Variants in MAMDC2 observed in about 807,000 individuals in gnomAD.
MAMDC2 encodes MAM domain-containing protein 2.
A neutral mutation model predicts 89.8 loss-of-function variants in MAMDC2; 57 were observed. That is an observed-to-expected ratio of 0.63 (90% confidence interval 0.51 to 0.79). The LOEUF (loss-of-function observed/expected upper bound fraction) is 0.79, where lower values mean the gene tolerates loss of function less well. MAMDC2 is among the 30% of genes least tolerant of loss of function. MAMDC2 has a pLI of 0.00. For missense variants in MAMDC2, 800 were observed against 820.6 expected (o/e 0.97, Z 0.31); for synonymous variants, 313 against 293.4 (o/e 1.07, Z -0.68).
chr9:70,058,307 T>A (rs1437163503), intron 2 of MAMDC2, among the ~76,000 whole-genome samples: 1 of 152,188 alleles, frequency 6.6e-6, no homozygotes, highest in Non-Finnish European at 1.5e-5. Flanking sequence ...AAGTTATTGG[T>A]GGAGCCTGGA....
At chr9:70,131,659 A>G (rs1178205656) in intron 7 of MAMDC2, 47 bp downstream of exon 7, 3 of 1,369,730 alleles carry the variant, frequency 2.2e-6, no homozygotes, top group African/African-American at 1.4e-5. Context: ...TTCCTGTTTC[A>G]ATAGATGTTT....
chr9:70,110,267 T>C (rs1828471833), intron 4 of MAMDC2, among the ~76,000 whole-genome samples: 1 of 152,212 alleles, frequency 6.6e-6, no homozygotes, highest in South Asian at 2.1e-4. Context: ...GTCTCTTATC[T>C]GCCAGCTTCC....
At chr9:70,095,177 G>A (rs1052846078) in intron 2 of MAMDC2, among the ~76,000 whole-genome samples, 2 of 152,134 alleles carry the variant, frequency 1.3e-5, no homozygotes, top group East Asian at 3.8e-4. Context: ...TGCAGAAAAG[G>A]GTGTGGTTAA....
chr9:70,058,826 T>G (rs1244170149), intron 2 of MAMDC2, among the ~76,000 whole-genome samples: 2 of 152,172 alleles, frequency 1.3e-5, no homozygotes, highest in African/African-American at 4.8e-5. Flanking sequence ...GAATTCGTAT[T>G]TGAGGAAATG....
intron 2 of MAMDC2, chr9:70,071,626 C>G (rs537512341): frequency 2.6e-5 from 4 of 152,062 alleles, no homozygotes; most frequent in African/African-American, 9.7e-5. Context: ...TAAGATAAAG[C>G]CAAAGAAAGA....
intron 11 of MAMDC2, among the ~76,000 whole-genome samples, chr9:70,180,794 C>A (rs918087841): frequency 1.3e-5 from 2 of 152,192 alleles, no homozygotes; most frequent in African/African-American, 4.8e-5. Context: ...CAAAACTTTT[C>A]TCCTATTCTG....
At chr9:70,201,746 A>G (rs1369511977) in intron 11 of MAMDC2, among the ~76,000 whole-genome samples, 1 of 143,882 alleles carries the variant, frequency 7.0e-6, no homozygotes, top group African/African-American at 2.7e-5. Flanking sequence ...TTATTGGTCT[A>G]TTCAGAGATT....
chr9:70,188,158 G>T (rs946300041), intron 11 of MAMDC2, among the ~76,000 whole-genome samples: 1 of 152,060 alleles, frequency 6.6e-6, no homozygotes, highest in Admixed American at 6.6e-5. Flanking sequence ...TGCATGAATG[G>T]TATATCATTT....
intron 11 of MAMDC2, among the ~76,000 whole-genome samples, chr9:70,174,432 G>GT (rs2032436577): frequency 6.6e-6 from 1 of 152,196 alleles, no homozygotes; most frequent in Non-Finnish European, 1.5e-5. Context: ...GAGAATGTGG[G>GT]TGGAGTTAAC....
chr9:70,050,162 C>T (rs1826861080), intron 2 of MAMDC2, among the ~76,000 whole-genome samples: 1 of 152,140 alleles, frequency 6.6e-6, no homozygotes, highest in Admixed American at 6.5e-5. Flanking sequence ...CATTTTATGC[C>T]ATACCATGTA....
chr9:70,115,575 C>T (rs531385426), intron 5 of MAMDC2, among the ~76,000 whole-genome samples: 75 of 152,242 alleles, frequency 4.9e-4, no homozygotes, highest in Non-Finnish European at 9.1e-4. Context: ...AGGCTGGTCT[C>T]GAACTCCTGA....
At chr9:70,151,115 C>T (rs1274938471) in intron 9 of MAMDC2, among the ~76,000 whole-genome samples, 2 of 152,164 alleles carry the variant, frequency 1.3e-5, no homozygotes, top group South Asian at 2.1e-4. Context: ...AGCCCAGGGC[C>T]AGTGCTCTGC....
At chr9:70,100,017 A>AGAGAGAGAGC (rs994946595) in intron 2 of MAMDC2, among the ~76,000 whole-genome samples, 2 of 131,418 alleles carry the variant, frequency 1.5e-5, no homozygotes, top group African/African-American at 3.2e-5. Context: ...AGAGAGAGAG[A>AGAGAGAGAGC]GAGAGAGCAC....
chr9:70,101,524 T>C (rs892694824), intron 2 of MAMDC2, among the ~76,000 whole-genome samples: 9 of 152,302 alleles, frequency 5.9e-5, no homozygotes, highest in Admixed American at 5.9e-4. Flanking sequence ...ATTTCTTATC[T>C]TTTATGCTGT....
chr9:70,093,018 A>G (rs1188023437), intron 2 of MAMDC2, among the ~76,000 whole-genome samples: 3 of 152,142 alleles, frequency 2.0e-5, no homozygotes, highest in African/African-American at 7.2e-5. Context: ...GAAATGTGAA[A>G]GTCCAAATCA....
chr9:70,122,747 T>C (rs1036516441), intron 5 of MAMDC2, among the ~76,000 whole-genome samples: 10 of 152,208 alleles, frequency 6.6e-5, no homozygotes, highest in African/African-American at 2.4e-4. Context: ...AACTAAAATG[T>C]TAAGATTATT....
intron 2 of MAMDC2, among the ~76,000 whole-genome samples, chr9:70,049,233 G>T (rs1399159433): frequency 3.3e-5 from 5 of 152,110 alleles, no homozygotes; most frequent in African/African-American, 4.8e-5. Context: ...GGGCATGGTA[G>T]AATGTCCCGA....
chr9:70,096,087 A>G (rs561923971), intron 2 of MAMDC2, among the ~76,000 whole-genome samples: 1 of 152,114 alleles, frequency 6.6e-6, no homozygotes, highest in Non-Finnish European at 1.5e-5. Flanking sequence ...GCACTGGTGC[A>G]ATCACAGCTT....
intron 11 of MAMDC2, among the ~76,000 whole-genome samples, chr9:70,215,146 G>A (rs1564002828): frequency 1.3e-5 from 2 of 152,188 alleles, no homozygotes; most frequent in Non-Finnish European, 2.9e-5. Flanking sequence ...TGTGAAAAAA[G>A]TGACCAGCAA....
Sources: gnomAD v4.1 joint callset for allele counts (sites outside exome capture counted in the v4.1 genomes callset) on GRCh38, gnomAD v4.1.1 for gene constraint, MANE v1.5 for transcripts, NCBI Gene and HGNC (gene_info 2026-07-23, HGNC 2026-07-21) for gene names.